Variants in METTL6 observed in about 807,000 individuals in gnomAD.
METTL6 encodes the protein methyltransferase 6, tRNA N3-cytidine.
METTL6 carries 22 observed loss-of-function variants against 26.4 expected under a neutral mutation model. That is an observed-to-expected ratio of 0.83 (90% confidence interval 0.59 to 1.19). The LOEUF (loss-of-function observed/expected upper bound fraction) is 1.19, where lower values mean the gene tolerates loss of function less well. METTL6 is among the 50% of genes most tolerant of loss of function. The pLI is 0.00. For synonymous variants in METTL6, 109 were observed against 116.2 expected (o/e 0.94, Z 0.40); for missense variants, 304 against 324.8 (o/e 0.94, Z 0.49).
intron 4 of METTL6, 157 bp from the exon 5 acceptor site, chr3:15,414,319 A>G: frequency 7.1e-7 from 1 of 1,417,690 alleles, no homozygotes; most frequent in Non-Finnish European, 9.2e-7. Context: ...TTAAAAAGAT[A>G]GTAAGACCAG....
intron 3 of METTL6, among the ~76,000 whole-genome samples, chr3:15,420,326 T>C (rs775130945): frequency 2.7e-4 from 41 of 152,180 alleles, no homozygotes; most frequent in Non-Finnish European, 5.0e-4. Flanking sequence ...CTACTGTGTA[T>C]AAAGTGGACA....
At chr3:15,393,446 C>T (rs1399259887) in intron 6 of METTL6, among the ~76,000 whole-genome samples, 14 of 152,062 alleles carry the variant, frequency 9.2e-5, no homozygotes, top group Non-Finnish European at 1.8e-4. Flanking sequence ...CTGCAGACAG[C>T]GACAATTTGA....
At chr3:15,392,858 C>T (rs1420828783) in intron 6 of METTL6, among the ~76,000 whole-genome samples, 1 of 152,102 alleles carries the variant, frequency 6.6e-6, no homozygotes, top group African/African-American at 2.4e-5. Flanking sequence ...TGGTCTATAT[C>T]TCTGTTTTGG....
At chr3:15,414,572 C>A (rs1700112898) in intron 4 of METTL6, 1 of 270,056 alleles carries the variant, frequency 3.7e-6, no homozygotes, top group African/African-American at 2.3e-5. Context: ...CCAGGCTAGT[C>A]TCGAACTCCT....
At chr3:15,415,594 C>T (rs571041343) in intron 4 of METTL6, 178 bp downstream of exon 4, 1 of 1,607,594 alleles carries the variant, frequency 6.2e-7, no homozygotes, top group African/African-American at 1.3e-5. Context: ...CTGCACAAAT[C>T]AGAATTTAGG....
chr3:15,390,101 A>G (rs1019661760), intron 6 of METTL6, among the ~76,000 whole-genome samples: 6 of 152,124 alleles, frequency 3.9e-5, no homozygotes, highest in African/African-American at 7.2e-5. Flanking sequence ...CAGATTGTAA[A>G]TTTATAGCAT....
chr3:15,405,349 G>T (rs1699756868), downstream of METTL6, among the ~76,000 whole-genome samples: 1 of 152,164 alleles, frequency 6.6e-6, no homozygotes, highest in South Asian at 2.1e-4. Context: ...AAGCACCCTT[G>T]CTTTCTAATC....
chr3:15,405,216 C>G (rs1461958942), downstream of METTL6, among the ~76,000 whole-genome samples: 1 of 152,196 alleles, frequency 6.6e-6, no homozygotes, highest in African/African-American at 2.4e-5. Context: ...TTTATGCTCC[C>G]CAGTGTCCTG....
At chr3:15,413,901 T>C (rs1325646352) in intron 5 of METTL6, 120 bp downstream of exon 5, 6 of 1,554,832 alleles carry the variant, frequency 3.9e-6, no homozygotes, top group Non-Finnish European at 3.5e-6. Context: ...GTAGAGGGCT[T>C]GTTTCAGGGT....
chr3:15,414,842 A>G, intron 4 of METTL6: 1 of 522,712 alleles, frequency 1.9e-6, no homozygotes. Flanking sequence ...GAACTGCTTG[A>G]GCCCAGGAAG....
At chr3:15,404,318 AG>A (rs1253681491) in intron 6 of METTL6, among the ~76,000 whole-genome samples, 2 of 152,120 alleles carry the variant, frequency 1.3e-5, no homozygotes, top group Non-Finnish European at 2.9e-5. Flanking sequence ...GAGGACAGGA[AG>A]GAAAAGTGAA....
intron 4 of METTL6, 131 bp from the exon 5 acceptor site, chr3:15,414,293 C>A: frequency 6.9e-7 from 1 of 1,450,218 alleles, no homozygotes; most frequent in Non-Finnish European, 9.0e-7. Context: ...AATACGGAAC[C>A]AAAATGGCCT....
At chr3:15,406,392 T>C (rs1386283755), downstream of METTL6, among the ~76,000 whole-genome samples, 2 of 151,642 alleles carry the variant, frequency 1.3e-5, no homozygotes, top group Admixed American at 6.6e-5. Flanking sequence ...GCAATGAGAC[T>C]GAAGCCATTT....
intron 6 of METTL6, among the ~76,000 whole-genome samples, chr3:15,401,133 G>A (rs903098387): frequency 1.3e-5 from 2 of 151,856 alleles, no homozygotes; most frequent in African/African-American, 2.4e-5. Context: ...TCCACCTTCC[G>A]GGTTCACGCC....
intron 6 of METTL6, among the ~76,000 whole-genome samples, chr3:15,403,467 A>C (rs554251432): frequency 1.2e-4 from 19 of 152,192 alleles, no homozygotes; most frequent in Non-Finnish European, 2.6e-4. Context: ...CAGACCAGAG[A>C]ATATAATGCC....
intron 6 of METTL6, among the ~76,000 whole-genome samples, chr3:15,401,754 T>C (rs994703988): frequency 6.6e-6 from 1 of 152,150 alleles, no homozygotes; most frequent in Non-Finnish European, 1.5e-5. Flanking sequence ...AGTTTACAAA[T>C]GCCTAGAAGT....
rs555524028 is a variant in METTL6 at position 15,388,357 on chromosome 3, C to T, written c.*12-4170G>A. On this transcript the variant is annotated intron_variant, in intron 6 of 6. Transcript: ENST00000443029. ...AACTCCTGGCCTCAAGTGATTCGCC[C>T]GCCTCGGCCTCCCAAAGTGCTGGGA... 1.4e-3 allele frequency among the ~76,000 whole-genome samples: 207 copies of T among 152,204 alleles called. 1 individual carries two copies. Among genetic ancestry groups the T allele is most frequent in the Non-Finnish European group, 2.0e-3 (135 of 68,006 alleles).
intron 6 of METTL6, among the ~76,000 whole-genome samples, chr3:15,391,131 C>G (rs1164290038): frequency 6.6e-6 from 1 of 152,248 alleles, no homozygotes; most frequent in Admixed American, 6.5e-5. Context: ...CTGCTTACTG[C>G]TCAGCCACTT....
At chr3:15,385,787 TG>T (rs756320330) in intron 6 of METTL6, among the ~76,000 whole-genome samples, 19 of 152,222 alleles carry the variant, frequency 1.2e-4, no homozygotes, top group Non-Finnish European at 2.8e-4. Context: ...CTGTGTCTCC[TG>T]GGCTGTAGCC....
Sources: gnomAD v4.1 joint callset for allele counts (sites outside exome capture counted in the v4.1 genomes callset) on GRCh38, gnomAD v4.1.1 for gene constraint, MANE v1.5 for transcripts, NCBI Gene and HGNC (gene_info 2026-07-23, HGNC 2026-07-21) for gene names.